SLC14A2: variants seen among roughly 807,000 people sequenced by gnomAD.
The protein encoded by SLC14A2 is solute carrier family 14 member 2, also known as urea transporter 2.
Under a neutral mutation model 104.6 loss-of-function variants are expected in SLC14A2, and 91 were observed. The observed-to-expected ratio is 0.87, with a 90% confidence interval of 0.73 to 1.04. SLC14A2 has a LOEUF of 1.04. SLC14A2 is among the 50% of genes least tolerant of loss of function. The pLI is 0.00. For missense variants in SLC14A2, 1,189 were observed against 1,156.0 expected, an observed-to-expected ratio of 1.03 and a Z score of -0.41; for synonymous variants, 476 against 466.4, an observed-to-expected ratio of 1.02 and a Z score of -0.27.
At chr18:45,255,360 G>A (rs890528368) in intron 1 of SLC14A2, among the ~76,000 whole-genome samples, 1 of 152,198 alleles carries the variant, frequency 6.6e-6, no homozygotes, top group Non-Finnish European at 1.5e-5. Context: ...GCTGCAAGCA[G>A]GATTGAGCAA....
chr18:45,203,084 T>G, the SLC14A2 span, among the ~76,000 whole-genome samples: 1 of 152,102 alleles, frequency 6.6e-6, no homozygotes, highest in African/African-American at 2.4e-5. Flanking sequence ...CACATATCAC[T>G]TGGCCATTGA....
intron 10 of SLC14A2, among the ~76,000 whole-genome samples, chr18:45,649,040 G>A (rs931179441): frequency 6.6e-6 from 1 of 152,104 alleles, no homozygotes. Flanking sequence ...GCATGGTGGC[G>A]GGTGCCTGTA....
intron 2 of SLC14A2, among the ~76,000 whole-genome samples, chr18:45,484,205 T>C (rs909003295): frequency 1.3e-5 from 2 of 152,156 alleles, no homozygotes; most frequent in African/African-American, 4.8e-5. Flanking sequence ...GCTGGGTTGA[T>C]TGGGAAGGAG....
intron 2 of SLC14A2, among the ~76,000 whole-genome samples, chr18:45,575,375 C>T (rs1459777565): frequency 6.6e-6 from 1 of 152,208 alleles, no homozygotes; most frequent in Non-Finnish European, 1.5e-5. Flanking sequence ...CCAGCCTGGG[C>T]TCTCAGATCC....
chr18:45,227,241 A>C (rs560625488), intron 1 of SLC14A2, among the ~76,000 whole-genome samples: 6 of 152,284 alleles, frequency 3.9e-5, no homozygotes, highest in African/African-American at 1.4e-4. Context: ...AAAGGACAGG[A>C]ATGGCTTTTT....
At chr18:45,292,216 T>C (rs1037909672) in intron 1 of SLC14A2, among the ~76,000 whole-genome samples, 1 of 152,198 alleles carries the variant, frequency 6.6e-6, no homozygotes, top group African/African-American at 2.4e-5. Context: ...CAAAGTCACA[T>C]TGATATGCTA....
chr18:45,426,698 T>TACATAC (rs2086436495), intron 1 of SLC14A2, among the ~76,000 whole-genome samples: 1 of 140,960 alleles, frequency 7.1e-6, no homozygotes, highest in East Asian at 2.1e-4. Flanking sequence ...TATACATACA[T>TACATAC]ACACACACAC....
intron 1 of SLC14A2, among the ~76,000 whole-genome samples, chr18:45,281,846 G>T (rs1024308523): frequency 1.3e-5 from 2 of 152,146 alleles, no homozygotes; most frequent in African/African-American, 4.8e-5. Context: ...TGTAAAATAG[G>T]AAGGGGAAAC....
chr18:45,241,306 A>G (rs372761790), intron 1 of SLC14A2, among the ~76,000 whole-genome samples: 13 of 152,198 alleles, frequency 8.5e-5, no homozygotes, highest in African/African-American at 2.9e-4. Context: ...CTGTCTTGGG[A>G]AAATGTCTCT....
intron 1 of SLC14A2, among the ~76,000 whole-genome samples, chr18:45,473,115 A>G (rs1212024339): frequency 6.6e-6 from 1 of 152,166 alleles, no homozygotes; most frequent in Non-Finnish European, 1.5e-5. Flanking sequence ...TTCTCCCAAC[A>G]CCATTTATTA....
At chr18:45,461,084 C>T (rs936402011) in intron 1 of SLC14A2, among the ~76,000 whole-genome samples, 8 of 152,130 alleles carry the variant, frequency 5.3e-5, no homozygotes, top group African/African-American at 1.4e-4. Context: ...TTCATTGCCC[C>T]CCAAAACTCA....
intron 1 of SLC14A2, among the ~76,000 whole-genome samples, chr18:45,381,933 G>C (rs2085842317): frequency 6.6e-6 from 1 of 152,044 alleles, no homozygotes; most frequent in African/African-American, 2.4e-5. Context: ...CACCACCCAG[G>C]GACAATGGGC....
At chr18:45,558,510 G>A (rs2044160907) in intron 2 of SLC14A2, among the ~76,000 whole-genome samples, 1 of 152,222 alleles carries the variant, frequency 6.6e-6, no homozygotes, top group African/African-American at 2.4e-5. Context: ...AAGGGAAGTG[G>A]TCAGAAACTG....
At chr18:45,248,305 CG>C (rs2084387348) in intron 1 of SLC14A2, among the ~76,000 whole-genome samples, 1 of 151,960 alleles carries the variant, frequency 6.6e-6, no homozygotes, top group Admixed American at 6.6e-5. Flanking sequence ...TAGCAAATAC[CG>C]GATGCTTTGA....
At chr18:45,181,626 T>A in the SLC14A2 span, among the ~76,000 whole-genome samples, 5 of 152,014 alleles carry the variant, frequency 3.3e-5, no homozygotes, top group Non-Finnish European at 7.4e-5. Flanking sequence ...CATAAAAAAA[T>A]GACAATATTA....
At chr18:45,626,804 C>T (rs1397037990) in intron 3 of SLC14A2, among the ~76,000 whole-genome samples, 154 bp from the exon 4 acceptor site, 1 of 152,158 alleles carries the variant, frequency 6.6e-6, no homozygotes, top group African/African-American at 2.4e-5. Context: ...AGCCTCCCCT[C>T]TACCCCCACC....
chr18:45,213,026 C>T (rs1410574770), exon 1 of SLC14A2: 3 of 152,500 alleles, frequency 2.0e-5, no homozygotes, highest in Admixed American at 6.5e-5. Flanking sequence ...AAAAAACGAC[C>T]ATGCTGAAAG....
chr18:45,205,774 T>C, the SLC14A2 span, among the ~76,000 whole-genome samples: 1 of 152,226 alleles, frequency 6.6e-6, no homozygotes, highest in Non-Finnish European at 1.5e-5. Context: ...GCTGGACCTA[T>C]CCAGGAATCC....
chr18:45,424,030 A>G (rs2086386620), intron 1 of SLC14A2: 1 of 152,218 alleles, frequency 6.6e-6, no homozygotes, highest in African/African-American at 2.4e-5. Flanking sequence ...GAGATATGCT[A>G]ACCAATGCCA....
Sources: allele counts gnomAD v4.1 joint callset (sites outside exome capture counted in the v4.1 genomes callset), GRCh38; gene constraint gnomAD v4.1.1; transcripts MANE v1.5; gene names NCBI Gene and HGNC (gene_info 2026-07-23, HGNC 2026-07-21).